The following KIF4A variants were observed in gnomAD, a reference collection of about 807,000 sequenced individuals.
KIF4A encodes chromosome-associated kinesin KIF4A.
A neutral mutation model predicts 105.9 loss-of-function variants in KIF4A; 7 were observed. The ratio of observed to expected loss-of-function variants is 0.07; its 90% confidence interval spans 0.04 to 0.12. The LOEUF (loss-of-function observed/expected upper bound fraction) is 0.12. Among genes scored for constraint, KIF4A ranks in the 10% least tolerant of loss-of-function variants. KIF4A has a pLI of 1.00. For synonymous variants in KIF4A, 281 were observed against 331.3 expected, an observed-to-expected ratio of 0.85 and a Z score of 1.65; for missense variants, 558 against 929.2, an observed-to-expected ratio of 0.60 and a Z score of 5.19.
chrX:70,367,945 C>A (rs927366553), intron 15 of KIF4A, among the ~76,000 whole-genome samples: 8 of 111,766 alleles, frequency 7.2e-5, no homozygotes, highest in African/African-American at 1.9e-4. Flanking sequence ...AGGCTTTGTT[C>A]ATTTCTTTTT....
chrX:70,332,966 A>G (rs2085936610), intron 9 of KIF4A, among the ~76,000 whole-genome samples: 1 of 111,732 alleles, frequency 8.9e-6, no homozygotes, highest in Admixed American at 9.5e-5. Flanking sequence ...AGTAGATTGT[A>G]AACTTGAGAG....
intron 15 of KIF4A, among the ~76,000 whole-genome samples, chrX:70,373,398 G>C (rs975605861): frequency 4.3e-5 from 4 of 92,228 alleles, no homozygotes; most frequent in African/African-American, 1.6e-4. Context: ...ATAAGCAAAT[G>C]AAGAGCCAGA....
intron 27 of KIF4A, among the ~76,000 whole-genome samples, chrX:70,406,585 G>A (rs1344463265): frequency 1.8e-5 from 2 of 112,059 alleles, no homozygotes; most frequent in Non-Finnish European, 3.8e-5. Context: ...AACTGAGGAG[G>A]AGGGACAGGA....
At position 70,391,154 on chromosome X, in the gene KIF4A, A is replaced by G. The variant is rs749031394; in HGVS notation, c.2232+3857A>G. ...AGTGGGACTACTGGGTCATATGATAAGTATATGCTTAATTTGTAAGAAACT... is the reference window on the plus strand; with the variant it reads ...AGTGGGACTACTGGGTCATATGATAGGTATATGCTTAATTTGTAAGAAACT... On this transcript the variant is annotated intron_variant, in intron 20 of 30. Coordinates refer to ENST00000374403, the MANE Select transcript of KIF4A (RefSeq NM_012310.5). 6.2e-5 allele frequency among the ~76,000 whole-genome samples: 7 copies of G among 112,364 alleles called. No individual in the cohort carries two copies. The East Asian group carries it at 1.9e-3, about 31-fold the overall frequency.
chrX:70,420,405 G>A lies in KIF4A; in HGVS notation c.*140G>A. On this transcript the variant is annotated 3_prime_UTR_variant, in exon 31 of 31. Transcript: ENST00000374403. Reference sequence around the variant, plus strand: ...AGGAACAAAGCGTTACTGAAAAGAAGGTAACCTTTGTTGGATGTGGGCCTT... The same window carrying A: ...AGGAACAAAGCGTTACTGAAAAGAAAGTAACCTTTGTTGGATGTGGGCCTT... 1.1e-6 allele frequency: 1 copy of A among 894,023 alleles called. No homozygotes were observed. Among genetic ancestry groups the A allele is most frequent in the Non-Finnish European group, 1.5e-6 (1 of 658,663 alleles). 73.7% of individuals were successfully genotyped at this position (894,023 alleles called of 1,213,427 possible). A position where few individuals can be genotyped will look rare whatever the true frequency, so the allele number is the denominator to read the frequency against.
At chrX:70,314,422 A>C (rs908641212) in intron 7 of KIF4A, among the ~76,000 whole-genome samples, 1 of 112,339 alleles carries the variant, frequency 8.9e-6, no homozygotes, top group Non-Finnish European at 1.9e-5. Context: ...TGACAGAATC[A>C]TAGTTGAGTC....
intron 18 of KIF4A, among the ~76,000 whole-genome samples, chrX:70,380,531 C>T (rs1289025500): frequency 2.7e-5 from 3 of 111,651 alleles, no homozygotes; most frequent in Middle Eastern, 4.6e-3. Flanking sequence ...ACTTCCTCAG[C>T]GTAATAAAGG....
intron 3 of KIF4A, among the ~76,000 whole-genome samples, chrX:70,294,533 A>C (rs2085773399): frequency 8.9e-6 from 1 of 112,555 alleles, no homozygotes; most frequent in Non-Finnish European, 1.9e-5. Context: ...TTACCCCAGC[A>C]TCAACACAAA....
chrX:70,403,063 G>A (rs927929054), intron 23 of KIF4A, among the ~76,000 whole-genome samples: 2 of 111,789 alleles, frequency 1.8e-5, no homozygotes, highest in African/African-American at 6.5e-5. Context: ...TTAAGATCCA[G>A]TCTAGAAAAG....
intron 13 of KIF4A, among the ~76,000 whole-genome samples, chrX:70,347,958 G>A (rs1456674378): frequency 7.1e-5 from 1 of 13,995 alleles, no homozygotes; most frequent in African/African-American, 3.4e-4. Flanking sequence ...CTGGGCGACA[G>A]AGCGAGACTC....
chrX:70,341,724 A>C, intron 10 of KIF4A, 75 bp from the exon 11 acceptor site: 2 of 1,054,154 alleles, frequency 1.9e-6, no homozygotes, highest in South Asian at 4.5e-5. Flanking sequence ...GGCCTATGGG[A>C]TATATTTTTA....
intron 10 of KIF4A, among the ~76,000 whole-genome samples, chrX:70,338,321 A>C (rs990627706): frequency 9.0e-6 from 1 of 110,597 alleles, no homozygotes; most frequent in Non-Finnish European, 1.9e-5. Flanking sequence ...TCTCATTCCC[A>C]CTCCCAGACC....
intron 11 of KIF4A, among the ~76,000 whole-genome samples, chrX:70,342,506 G>A (rs1474259611): frequency 8.9e-6 from 1 of 112,241 alleles, no homozygotes. Context: ...AGTGCATGCT[G>A]ACTCTATCAC....
rs753745634 is a variant in KIF4A, at chrX:70,351,727, TTTTTTG to T, written c.1432-849_1432-844del. Among the ~76,000 whole-genome samples the T allele has an allele frequency of 1.3e-4, 14 of 111,657 alleles. No homozygotes were observed. In the South Asian group the frequency reaches 1.5e-3, roughly 12 times the overall value. On this transcript the variant is annotated intron_variant, in intron 13 of 30. Transcript: ENST00000374403. ...CATCTAAGGCATTTATTTCTTTCTG[TTTTTTG>T]TTTTTGTTTTTGTTTTTGTTTTTTG...
At chrX:70,394,019 C>T (rs2086249791) in intron 20 of KIF4A, among the ~76,000 whole-genome samples, 1 of 108,512 alleles carries the variant, frequency 9.2e-6, no homozygotes. Context: ...GCACATGCCA[C>T]TACGCCTGGC....
chrX:70,296,082 G>GGT (rs1403104531), intron 3 of KIF4A, among the ~76,000 whole-genome samples: 1 of 33,395 alleles, frequency 3.0e-5, no homozygotes, highest in Non-Finnish European at 5.1e-5. Flanking sequence ...AATAAATGAT[G>GGT]CTTTTTTTTT....
intron 15 of KIF4A, among the ~76,000 whole-genome samples, chrX:70,365,680 T>C (rs1302332985): frequency 9.0e-6 from 1 of 111,430 alleles, no homozygotes; most frequent in Non-Finnish European, 1.9e-5. Flanking sequence ...TCGATGTTCA[T>C]CAGGGATATT....
At chrX:70,401,236 C>A (rs1454937200) in intron 22 of KIF4A, among the ~76,000 whole-genome samples, 2 of 106,584 alleles carry the variant, frequency 1.9e-5, no homozygotes, top group African/African-American at 6.9e-5. Flanking sequence ...CACGCCACCA[C>A]CCCTAACTAA....
intron 19 of KIF4A, 136 bp from the exon 20 acceptor site, chrX:70,387,047 TA>T: frequency 2.1e-6 from 1 of 474,199 alleles, no homozygotes; most frequent in Non-Finnish European, 3.6e-6. Flanking sequence ...TCACCAGTGT[TA>T]TGTCCATGGA....
Sources: allele counts gnomAD v4.1 joint callset (sites outside exome capture counted in the v4.1 genomes callset), GRCh38; gene constraint gnomAD v4.1.1; transcripts MANE v1.5; gene names NCBI Gene and HGNC (gene_info 2026-07-23, HGNC 2026-07-21).